Variants in ZNF521 observed in about 807,000 individuals in gnomAD.
ZNF521 encodes the protein zinc finger protein 521.
A neutral mutation model predicts 105.5 loss-of-function variants in ZNF521; 14 were observed. That is an observed-to-expected ratio of 0.13 (90% CI 0.09 to 0.21). ZNF521 has a LOEUF of 0.21. Ranked by LOEUF, ZNF521 falls within the 10% of genes least tolerant of loss-of-function variation. The pLI is 1.00. For synonymous variants in ZNF521, 635 were observed against 606.0 expected (o/e 1.05, Z -0.70); for missense variants, 1,233 against 1,629.7 (o/e 0.76, Z 4.19).
intron 7 of ZNF521, among the ~76,000 whole-genome samples, 162 bp downstream of exon 7, chr18:25,089,303 T>A (rs2033694199): frequency 1.3e-5 from 2 of 152,208 alleles, no homozygotes; most frequent in Non-Finnish European, 2.9e-5. Context: ...ATTACTTTGG[T>A]GTCTATTAAT....
chr18:25,184,099 A>G (rs919899774), intron 5 of ZNF521, among the ~76,000 whole-genome samples: 1 of 152,168 alleles, frequency 6.6e-6, no homozygotes, highest in Non-Finnish European at 1.5e-5. Context: ...AAACATAATT[A>G]TATAAGGAAA....
chr18:25,242,652 A>G (rs1472056572), intron 3 of ZNF521, among the ~76,000 whole-genome samples: 1 of 152,204 alleles, frequency 6.6e-6, no homozygotes, highest in Non-Finnish European at 1.5e-5. Flanking sequence ...GGAAACAAAT[A>G]AGGCCTGTTT....
intron 4 of ZNF521, among the ~76,000 whole-genome samples, chr18:25,195,660 C>G (rs1202589136): frequency 6.6e-6 from 1 of 151,576 alleles, no homozygotes; most frequent in African/African-American, 2.4e-5. Flanking sequence ...GGTGTTGCTT[C>G]TAGATATCCA....
chr18:25,121,519 G>A (rs1304438766), intron 5 of ZNF521, among the ~76,000 whole-genome samples: 1 of 151,928 alleles, frequency 6.6e-6, no homozygotes, highest in African/African-American at 2.4e-5. Flanking sequence ...TCAAAGTGCT[G>A]GGATTACAGT....
intron 3 of ZNF521, among the ~76,000 whole-genome samples, chr18:25,290,947 T>C (rs1313502195): frequency 6.6e-6 from 1 of 152,186 alleles, no homozygotes; most frequent in Non-Finnish European, 1.5e-5. Context: ...ATCACTGTAC[T>C]CCATTTTATG....
intron 3 of ZNF521, among the ~76,000 whole-genome samples, chr18:25,318,518 G>A (rs57445510): frequency 0.21 from 32,613 of 152,026 alleles, 3,571 homozygotes; most frequent in Non-Finnish European, 0.22. Flanking sequence ...AACTCAGTTT[G>A]CCTATCATGG....
chr18:25,245,620 A>C (rs1907122908), intron 3 of ZNF521, among the ~76,000 whole-genome samples: 1 of 152,192 alleles, frequency 6.6e-6, no homozygotes, highest in African/African-American at 2.4e-5. Context: ...TTTGCTAGGC[A>C]CTGGGATCAA....
chr18:25,303,277 T>TGTGTGTGC (rs1911748654), intron 3 of ZNF521, among the ~76,000 whole-genome samples: 2 of 109,882 alleles, frequency 1.8e-5, no homozygotes, highest in African/African-American at 8.9e-5. Context: ...CTTTCGTGTG[T>TGTGTGTGC]GTGTGTGTGT....
At chr18:25,207,431 C>T (rs769218816) in intron 4 of ZNF521, among the ~76,000 whole-genome samples, 2 of 152,186 alleles carry the variant, frequency 1.3e-5, no homozygotes, top group Admixed American at 6.5e-5. Flanking sequence ...TCTCCAGCAC[C>T]GCCTCTCCAT....
chr18:25,116,919 C>T (rs4606810), intron 5 of ZNF521, among the ~76,000 whole-genome samples: 1 of 136,806 alleles, frequency 7.3e-6, no homozygotes, highest in Non-Finnish European at 1.5e-5. Context: ...ATACGTATAT[C>T]TATGTATATA....
chr18:25,299,379 C>G lies in ZNF521; in HGVS notation c.220+22629G>C, dbSNP rs188139105. Among the ~76,000 whole-genome samples the G allele has an allele frequency of 1.3e-5, 2 of 152,306 alleles. 1 individual carries two copies. Among genetic ancestry groups the G allele is most frequent in the Non-Finnish European group, 2.9e-5 (2 of 68,024 alleles). ...AACTATCTAAGACAAAAATTCTCCA[C>G]AGACTAAGAAGATAAGTTAGGAAAA... On this transcript the variant is annotated intron_variant, in intron 3 of 7. Transcript: ENST00000361524.
At chr18:25,151,323 C>T (rs1016958349) in intron 5 of ZNF521, among the ~76,000 whole-genome samples, 1 of 152,164 alleles carries the variant, frequency 6.6e-6, no homozygotes, top group Non-Finnish European at 1.5e-5. Context: ...TCAGAAGTTT[C>T]TTTGATAAAC....
intron 3 of ZNF521, among the ~76,000 whole-genome samples, chr18:25,308,385 C>T (rs746918972): frequency 1.3e-5 from 2 of 152,082 alleles, no homozygotes; most frequent in Admixed American, 6.6e-5. Flanking sequence ...TGTTTTTATA[C>T]AAAAACTTTT....
intron 5 of ZNF521, among the ~76,000 whole-genome samples, chr18:25,102,061 A>C (rs535692318): frequency 4.6e-5 from 7 of 152,206 alleles, no homozygotes; most frequent in Non-Finnish European, 1.0e-4. Context: ...GTCTTCTTCC[A>C]GACTATATTT....
chr18:25,286,435 T>A (rs1168406252), intron 3 of ZNF521, among the ~76,000 whole-genome samples: 1 of 152,142 alleles, frequency 6.6e-6, no homozygotes, highest in Non-Finnish European at 1.5e-5. Context: ...GATTTGCACA[T>A]CAGCCATCAT....
At chr18:25,134,888 G>C (rs1031548603) in intron 5 of ZNF521, among the ~76,000 whole-genome samples, 2 of 152,146 alleles carry the variant, frequency 1.3e-5, no homozygotes, top group African/African-American at 4.8e-5. Context: ...TGGTGGGGAG[G>C]GGGTGCTTAG....
intron 2 of ZNF521, among the ~76,000 whole-genome samples, chr18:25,339,256 G>A (rs1914066674): frequency 6.6e-6 from 1 of 152,164 alleles, no homozygotes; most frequent in Admixed American, 6.5e-5. Flanking sequence ...GAGCAGTTGG[G>A]TCTGACTGGT....
chr18:25,273,220 CAAAAAAAAAAAAAAA>C (rs67381140), intron 3 of ZNF521, among the ~76,000 whole-genome samples: 8 of 40,890 alleles, frequency 2.0e-4, no homozygotes, highest in South Asian at 4.6e-3. Context: ...ACCCTGTCTC[CAAAAAAAAAAAAAAA>C]AAAAAAAAAA....
intron 2 of ZNF521, among the ~76,000 whole-genome samples, chr18:25,333,984 C>G (rs9955825): frequency 2.0e-5 from 3 of 151,882 alleles, no homozygotes; most frequent in African/African-American, 7.3e-5. Context: ...AGTAACAGCA[C>G]GGAGAAGAAA....
Sources: gnomAD v4.1 joint callset for allele counts (sites outside exome capture counted in the v4.1 genomes callset) on GRCh38, gnomAD v4.1.1 for gene constraint, MANE v1.5 for transcripts, NCBI Gene and HGNC (gene_info 2026-07-23, HGNC 2026-07-21) for gene names.